PHF14: variants seen among roughly 807,000 people sequenced by gnomAD.
The protein encoded by PHF14 is PHD finger protein 14.
PHF14 carries 55 observed loss-of-function variants against 117.9 expected under a neutral mutation model. That is an observed-to-expected ratio of 0.47 (90% CI 0.38 to 0.58). The LOEUF is 0.58. Ranked by LOEUF, PHF14 falls within the 20% of genes least tolerant of loss-of-function variation. The pLI is 0.00. For missense variants in PHF14, 978 were observed against 1,122.2 expected, an observed-to-expected ratio of 0.87 and a Z score of 1.84; for synonymous variants, 409 against 368.6, an observed-to-expected ratio of 1.11 and a Z score of -1.26.
chr7:11,008,920 C>G (rs1036035481), intron 4 of PHF14, among the ~76,000 whole-genome samples: 2 of 151,010 alleles, frequency 1.3e-5, no homozygotes, highest in Non-Finnish European at 2.9e-5. Flanking sequence ...CCTGTAGTCC[C>G]AGCTACTCGG....
At chr7:11,047,933 G>A (rs1406263920) in intron 13 of PHF14, among the ~76,000 whole-genome samples, 4 of 128,036 alleles carry the variant, frequency 3.1e-5, no homozygotes, top group South Asian at 6.0e-4. Flanking sequence ...GGGAGAGGGA[G>A]GGGGAGGGAG....
intron 5 of PHF14, among the ~76,000 whole-genome samples, chr7:11,017,780 C>G (rs1209839245): frequency 6.6e-6 from 1 of 152,014 alleles, no homozygotes; most frequent in African/African-American, 2.4e-5. Context: ...GATATGATAT[C>G]TTTCGTCTGT....
At chr7:11,016,844 C>G (rs1360742317) in intron 5 of PHF14, among the ~76,000 whole-genome samples, 2 of 152,052 alleles carry the variant, frequency 1.3e-5, no homozygotes, top group African/African-American at 2.4e-5. Context: ...AGTCTTTCCA[C>G]TTTTTCGACT....
At position 11,134,984 on chromosome 7, in the gene PHF14, A is replaced by ACCTT. The variant is rs1246617454; in HGVS notation, c.2772+23518_2772+23521dup. 3.9e-5 allele frequency among the ~76,000 whole-genome samples: 6 copies of ACCTT among 152,122 alleles called. No homozygotes were observed. In the East Asian group the frequency reaches 1.2e-3, roughly 29 times the overall value. On this transcript the variant is annotated intron_variant, in intron 17 of 17. Coordinates refer to ENST00000634607, the MANE Select transcript of PHF14 (RefSeq NM_001007157.2). ...TCTTTGTCCTCTGGCAATGAAACCCACCTTTTTCTTCACTTGACAGACCCT... is the reference window on the plus strand; with the variant it reads ...TCTTTGTCCTCTGGCAATGAAACCCACCTTCCTTTTTCTTCACTTGACAGACCCT...
At chr7:11,104,665 A>T (rs190371594) in intron 16 of PHF14, 1 of 965,498 alleles carries the variant, frequency 1.0e-6, no homozygotes, top group Admixed American at 6.2e-5. Flanking sequence ...TGGTTCTCAA[A>T]CGTTGTGCAT....
chr7:11,047,499 A>T (rs1440729204), intron 13 of PHF14, among the ~76,000 whole-genome samples: 1 of 151,854 alleles, frequency 6.6e-6, no homozygotes, highest in East Asian at 2.0e-4. Context: ...TAGAAGGTAT[A>T]GAAAATTGAG....
At chr7:11,133,641 A>G (rs1226431751) in intron 17 of PHF14, among the ~76,000 whole-genome samples, 1 of 151,920 alleles carries the variant, frequency 6.6e-6, no homozygotes, top group East Asian at 1.9e-4. Flanking sequence ...CCCTAGCAAG[A>G]CACTCTTTTT....
In PHF14 at chr7:11,051,762, G is replaced by C; in HGVS notation, c.2463G>C (p.Lys821Asn). The change falls in exon 14 of 18, where the codon AAG becomes AAC. Residue 821 changes from lysine to asparagine, a missense_variant. By Grantham distance (94) the Lys-to-Asn change is moderately conservative (BLOSUM62 0). Coordinates refer to ENST00000634607, the MANE Select transcript of PHF14 (RefSeq NM_001007157.2). ...AGGATGTGCCACCAGAACCCAAGAA[G>C]ATTCCGATAAGAAACACGGTAGTTT... The part of the protein sequence containing the change: ...VPQDVPPEPK[K>N]IPIRNTRTRG... 2 of 1,613,266 alleles carry C rather than the reference G, an allele frequency of 1.2e-6. No homozygotes were observed. The highest frequency in any genetic ancestry group is 2.2e-5 in the South Asian group (2 of 90,968).
Position 11,086,780 on chromosome 7 carries a change from A to G in PHF14, c.2655-24570A>G, listed in dbSNP as rs372224460. On this transcript the variant is annotated intron_variant, in intron 16 of 17. Transcript: ENST00000634607. ...TTAGATTGGAATGGTAGTTTTTGTC[A>G]TCATTTGAATATAATTTGTATAGTA... Among the ~76,000 whole-genome samples, 7 of 152,262 alleles carry G rather than the reference A, an allele frequency of 4.6e-5. No individual in the cohort carries two copies. In the East Asian group the frequency reaches 1.2e-3, roughly 25 times the overall value.
chr7:11,103,499 T>C, intron 16 of PHF14: 1 of 984,886 alleles, frequency 1.0e-6, no homozygotes, highest in Non-Finnish European at 1.2e-6. Context: ...AATGATCCAG[T>C]TTTAAGTCAA....
intron 16 of PHF14, among the ~76,000 whole-genome samples, chr7:11,069,488 T>C (rs1315332396): frequency 6.6e-6 from 1 of 152,188 alleles, no homozygotes; most frequent in Non-Finnish European, 1.5e-5. Flanking sequence ...AAAATCAACC[T>C]TGCAAATCTG....
intron 17 of PHF14, among the ~76,000 whole-genome samples, chr7:11,118,390 A>T (rs764708942): frequency 6.6e-6 from 1 of 151,994 alleles, no homozygotes; most frequent in South Asian, 2.1e-4. Context: ...TGCTTCTAGC[A>T]TGTTCCTTGG....
At chr7:11,164,952 T>A (rs1161889102) in intron 17 of PHF14, among the ~76,000 whole-genome samples, 3 of 151,948 alleles carry the variant, frequency 2.0e-5, no homozygotes, top group Non-Finnish European at 4.4e-5. Flanking sequence ...TGAGACGGAG[T>A]CTCGCTCAAT....
At chr7:11,071,490 A>G (rs1301884538) in intron 16 of PHF14, among the ~76,000 whole-genome samples, 1 of 152,222 alleles carries the variant, frequency 6.6e-6, no homozygotes, top group Non-Finnish European at 1.5e-5. Context: ...GATAAATAGC[A>G]GATATTTCCT....
chr7:11,073,622 A>G (rs571950508), intron 16 of PHF14, among the ~76,000 whole-genome samples: 1 of 152,304 alleles, frequency 6.6e-6, no homozygotes, highest in South Asian at 2.1e-4. Flanking sequence ...GGAAGGCAAC[A>G]GCGCCCTTCC....
chr7:11,109,583 T>C (rs562401684), intron 16 of PHF14: 1 of 151,982 alleles, frequency 6.6e-6, no homozygotes, highest in African/African-American at 2.4e-5. Flanking sequence ...TCTATATCCA[T>C]AGGTTTAATC....
At chr7:11,146,738 A>G (rs1788557118) in intron 17 of PHF14, among the ~76,000 whole-genome samples, 1 of 152,214 alleles carries the variant, frequency 6.6e-6, no homozygotes, top group Admixed American at 6.5e-5. Context: ...TTCCAGCAGA[A>G]CTAGGACATG....
intron 2 of PHF14, among the ~76,000 whole-genome samples, chr7:10,977,472 A>G (rs1175380649): frequency 2.0e-5 from 3 of 152,182 alleles, no homozygotes; most frequent in Admixed American, 1.3e-4. Context: ...AAGAATAAAT[A>G]TAGAAAACAT....
At chr7:10,976,864 T>G (rs1389093843) in intron 2 of PHF14, among the ~76,000 whole-genome samples, 1 of 148,842 alleles carries the variant, frequency 6.7e-6, no homozygotes. Flanking sequence ...ATAATTTACC[T>G]TCCTGGCCCC....
Sources: allele counts gnomAD v4.1 joint callset (sites outside exome capture counted in the v4.1 genomes callset), GRCh38; gene constraint gnomAD v4.1.1; transcripts MANE v1.5; gene names NCBI Gene and HGNC (gene_info 2026-07-23, HGNC 2026-07-21).